DLG2: variants seen among roughly 807,000 people sequenced by gnomAD.
The protein encoded by DLG2 is disks large homolog 2.
DLG2 carries 45 observed loss-of-function variants against 132.5 expected under a neutral mutation model. That is an observed-to-expected ratio of 0.34 (90% confidence interval 0.27 to 0.44). DLG2 has a LOEUF of 0.44. Among genes scored for constraint, DLG2 ranks in the 20% least tolerant of loss-of-function variants. The pLI, the probability that DLG2 is intolerant of heterozygous loss-of-function variation, is 1.00. For missense variants in DLG2, 1,045 were observed against 1,196.9 expected, an observed-to-expected ratio of 0.87 and a Z score of 1.87; for synonymous variants, 424 against 419.6, an observed-to-expected ratio of 1.01 and a Z score of -0.13.
At chr11:84,389,094 T>C (rs1023579587) in intron 7 of DLG2, among the ~76,000 whole-genome samples, 2 of 152,184 alleles carry the variant, frequency 1.3e-5, no homozygotes, top group African/African-American at 4.8e-5. Context: ...TATCTATAGC[T>C]AATCTCTACA....
chr11:84,555,474 T>C (rs551302057), intron 6 of DLG2, among the ~76,000 whole-genome samples: 8 of 152,162 alleles, frequency 5.3e-5, no homozygotes, highest in African/African-American at 1.7e-4. Flanking sequence ...AAAATGTTAT[T>C]CAGCTTTAAA....
At chr11:84,732,531 T>G (rs2063281344) in intron 6 of DLG2, among the ~76,000 whole-genome samples, 1 of 152,042 alleles carries the variant, frequency 6.6e-6, no homozygotes, top group African/African-American at 2.4e-5. Context: ...GTTGAACATC[T>G]TTTCATGTGG....
At chr11:83,979,774 G>A (rs1209058110) in intron 12 of DLG2, among the ~76,000 whole-genome samples, 1 of 152,128 alleles carries the variant, frequency 6.6e-6, no homozygotes, top group East Asian at 1.9e-4. Context: ...TTGCACAAAG[G>A]ACTGTGGAAA....
chr11:85,626,842 A>G (rs953636268), intron 1 of DLG2, 89 bp from the exon 2 acceptor site: 12 of 152,198 alleles, frequency 7.9e-5, no homozygotes, highest in Admixed American at 6.5e-5. Flanking sequence ...GTAATTTTTT[A>G]GTTTTTCAAG....
intron 6 of DLG2, among the ~76,000 whole-genome samples, chr11:85,029,761 T>G (rs1428610775): frequency 6.6e-6 from 1 of 152,156 alleles, no homozygotes; most frequent in Non-Finnish European, 1.5e-5. Context: ...TTTTGGCCAA[T>G]TAAATGTAGC....
chr11:83,738,001 A>G (rs1159206036), intron 18 of DLG2, among the ~76,000 whole-genome samples: 1 of 152,138 alleles, frequency 6.6e-6, no homozygotes. Flanking sequence ...ATCCATATTC[A>G]GAGAGGAACC....
Position 84,188,251 on chromosome 11 carries a change from C to G in DLG2, c.574-24740G>C, listed in dbSNP as rs2096323838. On this transcript the variant is annotated intron_variant, in intron 8 of 27. Coordinates refer to ENST00000376104, the MANE Select transcript of DLG2 (RefSeq NM_001142699.3). The stretch of plus-strand genomic sequence containing the variant: ...ATGCAAAGAAAAGCATTTGAATACT[C>G]AATATGCTTGTCCATCTAAAAATCT... Among the ~76,000 whole-genome samples, 4 of 152,082 alleles carry G rather than the reference C, an allele frequency of 2.6e-5. No homozygotes were observed. In the South Asian group the frequency reaches 6.2e-4, roughly 24 times the overall value.
At chr11:85,131,390 G>A (rs1249508066) in intron 5 of DLG2, among the ~76,000 whole-genome samples, 1 of 151,980 alleles carries the variant, frequency 6.6e-6, no homozygotes, top group Non-Finnish European at 1.5e-5. Context: ...ATCAGATTTG[G>A]TAGTATTGTC....
chr11:84,610,053 A>G (rs2099592675), intron 6 of DLG2, among the ~76,000 whole-genome samples: 1 of 152,060 alleles, frequency 6.6e-6, no homozygotes, highest in South Asian at 2.1e-4. Flanking sequence ...ATATGTAGGG[A>G]TAATAATTGT....
intron 6 of DLG2, among the ~76,000 whole-genome samples, chr11:85,045,259 C>T (rs776727434): frequency 1.1e-4 from 17 of 151,836 alleles, no homozygotes; most frequent in Non-Finnish European, 2.2e-4. Context: ...GTTAGCAGAC[C>T]GATTTGGCTT....
intron 11 of DLG2, among the ~76,000 whole-genome samples, chr11:84,037,299 C>T (rs1373347841): frequency 1.3e-5 from 2 of 152,096 alleles, no homozygotes; most frequent in East Asian, 1.9e-4. Flanking sequence ...ATCTTCTCCA[C>T]ACACTGCTTC....
At chr11:84,807,649 G>A (rs1413657743) in intron 6 of DLG2, among the ~76,000 whole-genome samples, 5 of 152,060 alleles carry the variant, frequency 3.3e-5, no homozygotes, top group African/African-American at 4.8e-5. Context: ...GGTTGAAAGT[G>A]AAAAATAGGA....
chr11:84,086,496 T>C (rs1239120256), intron 10 of DLG2, among the ~76,000 whole-genome samples: 93 of 149,768 alleles, frequency 6.2e-4, no homozygotes, highest in African/African-American at 1.9e-3. Context: ...TCTTTCTTTT[T>C]TTTTTTTTTT....
chr11:84,229,452 C>T (rs1193932135), intron 8 of DLG2, among the ~76,000 whole-genome samples: 2 of 152,168 alleles, frequency 1.3e-5, no homozygotes, highest in Admixed American at 1.3e-4. Flanking sequence ...AATTAAATCT[C>T]AATAAGTGGG....
At chr11:84,002,688 C>CA (rs1463748277) in intron 11 of DLG2, among the ~76,000 whole-genome samples, 1 of 152,074 alleles carries the variant, frequency 6.6e-6, no homozygotes, top group Non-Finnish European at 1.5e-5. Flanking sequence ...TCCTTGCCCA[C>CA]AAAAACCATT....
chr11:85,037,350 TCTGAGA>T (rs1219634564), intron 6 of DLG2, among the ~76,000 whole-genome samples: 44 of 152,322 alleles, frequency 2.9e-4, no homozygotes, highest in Admixed American at 8.5e-4. Flanking sequence ...TTCAAATTTC[TCTGAGA>T]CTAAGTTTCT....
intron 18 of DLG2, among the ~76,000 whole-genome samples, chr11:83,744,650 C>A (rs1449559244): frequency 6.6e-6 from 1 of 152,108 alleles, no homozygotes; most frequent in Non-Finnish European, 1.5e-5. Context: ...TTCTGGAAAT[C>A]CTCAGCAGTC....
In DLG2 at chr11:84,184,469, A is replaced by G. The variant is rs551741101; in HGVS notation, c.574-20958T>C. Among the ~76,000 whole-genome samples the G allele has an allele frequency of 7.9e-5, 12 of 152,082 alleles. No individual in the cohort carries two copies. The East Asian group carries it at 2.1e-3, about 27-fold the overall frequency. ...GAGTTCATTGTAGATTCTGGATATTAGCCCTTTGTCAGATGAGTAGATTGC... is the reference window on the plus strand; with the variant it reads ...GAGTTCATTGTAGATTCTGGATATTGGCCCTTTGTCAGATGAGTAGATTGC... On this transcript the variant is annotated intron_variant, in intron 8 of 27. Transcript: ENST00000376104.
At chr11:83,838,033 A>G (rs996731062) in intron 16 of DLG2, among the ~76,000 whole-genome samples, 3 of 151,906 alleles carry the variant, frequency 2.0e-5, no homozygotes, top group African/African-American at 4.8e-5. Flanking sequence ...ACAACACTGA[A>G]GCTCTATATA....
Sources: gnomAD v4.1 joint callset for allele counts (sites outside exome capture counted in the v4.1 genomes callset) on GRCh38, gnomAD v4.1.1 for gene constraint, MANE v1.5 for transcripts, NCBI Gene and HGNC (gene_info 2026-07-23, HGNC 2026-07-21) for gene names.